Variants in PCDHGA11 observed in about 807,000 individuals in gnomAD.
The protein encoded by PCDHGA11 is protocadherin gamma-A11.
A neutral mutation model predicts 60.4 loss-of-function variants in PCDHGA11; 39 were observed. The observed-to-expected ratio is 0.65, with a 90% CI of 0.50 to 0.84. The LOEUF (loss-of-function observed/expected upper bound fraction) is 0.84. Ranked by LOEUF, PCDHGA11 falls within the 40% of genes least tolerant of loss-of-function variation. The pLI is 0.00. For synonymous variants in PCDHGA11, 533 were observed against 510.3 expected, an observed-to-expected ratio of 1.04 and a Z score of -0.60; for missense variants, 1,165 against 1,197.7, an observed-to-expected ratio of 0.97 and a Z score of 0.40.
intron 1 of PCDHGA11, among the ~76,000 whole-genome samples, chr5:141,463,346 C>G (rs963070531): frequency 6.7e-6 from 1 of 150,312 alleles, no homozygotes; most frequent in Non-Finnish European, 1.5e-5. Context: ...TGGTGTTATT[C>G]TTGGATTTCC....
At position 141,432,540 on chromosome 5, in the gene PCDHGA11, T is replaced by A. The variant is rs147884705; in HGVS notation, c.2433+8880T>A. 7.6e-4 allele frequency: 1,222 copies of A among 1,613,608 alleles called. 1 individual carries two copies. The highest frequency in any genetic ancestry group is 1.1e-3 in the Admixed American group (64 of 59,988). ...TACCTGGTGACCAAGGTGGTGGCGG[T>A]GGACAGAGACTCCGGCCAGAACGCC... On this transcript the variant is annotated intron_variant, in intron 1 of 3. Transcript: ENST00000398587. This position sits in a 1 kb window ranked among gnomAD's most constrained non-coding sequence, Gnocchi z 6.0.
chr5:141,494,656 C>CT, intron 1 of PCDHGA11, 151 bp from the exon 2 acceptor site: 1 of 1,478,476 alleles, frequency 6.8e-7, no homozygotes, highest in Non-Finnish European at 9.1e-7. Flanking sequence ...TGTATTTTGT[C>CT]TTTGGAGATG....
intron 1 of PCDHGA11, among the ~76,000 whole-genome samples, chr5:141,472,935 A>G (rs1593400204): frequency 6.6e-6 from 1 of 150,778 alleles, no homozygotes; most frequent in East Asian, 1.9e-4. Context: ...GTGGTGAGCC[A>G]AGATTATGCC....
At chr5:141,475,760 C>T (rs1480762060) in intron 1 of PCDHGA11, among the ~76,000 whole-genome samples, 1 of 152,286 alleles carries the variant, frequency 6.6e-6, no homozygotes, top group Non-Finnish European at 1.5e-5. Flanking sequence ...TGCACCGATA[C>T]TGGCAAGGCG....
chr5:141,435,882 C>G (rs780080571), intron 1 of PCDHGA11, among the ~76,000 whole-genome samples: 1 of 152,060 alleles, frequency 6.6e-6, no homozygotes, highest in African/African-American at 2.4e-5. Context: ...AGATTGGAAA[C>G]CCCTTAGAGA....
rs776773140 is a variant in PCDHGA11, at chr5:141,476,589, G to A, written c.2434-18218G>A. 5 of 1,614,246 alleles carry A rather than the reference G, an allele frequency of 3.1e-6. No individual in the cohort carries two copies. Among genetic ancestry groups the A allele is most frequent in the Non-Finnish European group, 4.2e-6 (5 of 1,180,046 alleles). On this transcript the variant is annotated intron_variant, in intron 1 of 3. Coordinates refer to ENST00000398587, the MANE Select transcript of PCDHGA11 (RefSeq NM_018914.3). This position sits in a 1 kb window ranked among gnomAD's most constrained non-coding sequence, Gnocchi z 7.6. ...CCGGGGACGCGCTTTCCGCTCGAGA[G>A]CGCGCACGATCCCGATGTGGGAAGC...
In PCDHGA11 at chr5:141,485,146, G is replaced by C; in HGVS notation, c.2434-9661G>C. 6.4e-7 allele frequency: 1 copy of C among 1,569,470 alleles called. No individual in the cohort carries two copies. Among genetic ancestry groups the C allele is most frequent in the Non-Finnish European group, 8.7e-7 (1 of 1,143,568 alleles). On this transcript the variant is annotated intron_variant, in intron 1 of 3. Transcript: ENST00000398587. The surrounding 1 kb of genome is among the most constrained non-coding windows in gnomAD (Gnocchi z 5.7). Reference sequence around the variant, plus strand: ...GGTCGGCTTCATCCGCGTCTCAGGAGCAAGTAGAGAATTAGCGGGCGGCAG... The same window carrying C: ...GGTCGGCTTCATCCGCGTCTCAGGACCAAGTAGAGAATTAGCGGGCGGCAG...
chr5:141,473,784 G>A (rs1457988232), intron 1 of PCDHGA11, among the ~76,000 whole-genome samples: 1 of 152,226 alleles, frequency 6.6e-6, no homozygotes, highest in Non-Finnish European at 1.5e-5. Flanking sequence ...TTTAATTCAA[G>A]AGCAGTATGA....
In PCDHGA11 at chr5:141,489,068, G is replaced by GGC; in HGVS notation, c.2434-5739_2434-5738insGC. 1 of 291,558 alleles carries GGC rather than the reference G, an allele frequency of 3.4e-6. No individual in the cohort carries two copies. The allele number at this position is 291,558 out of a possible 1,614,324, so 18.1% of individuals were successfully genotyped here. ...CTCAAATTCAGCTCCCCTCCCCCCT[G>GGC]CCCACCCCCGCCACTCGGTGACTAA... On this transcript the variant is annotated intron_variant, in intron 1 of 3. Transcript: ENST00000398587. The surrounding 1 kb of genome is among the most constrained non-coding windows in gnomAD (Gnocchi z 4.5).
intron 1 of PCDHGA11, among the ~76,000 whole-genome samples, chr5:141,473,871 T>A (rs2099330260): frequency 1.3e-5 from 2 of 152,190 alleles, no homozygotes; most frequent in Admixed American, 6.5e-5. Context: ...TTGTGGAGAA[T>A]GCATACACAA....
chr5:141,481,475 C>T (rs1423011632), intron 1 of PCDHGA11, among the ~76,000 whole-genome samples: 1 of 152,200 alleles, frequency 6.6e-6, no homozygotes, highest in Non-Finnish European at 1.5e-5. Context: ...TTGGATTATA[C>T]ACTTTAAATA....
At chr5:141,467,344 C>A (rs2099142230) in intron 1 of PCDHGA11, among the ~76,000 whole-genome samples, 1 of 152,122 alleles carries the variant, frequency 6.6e-6, no homozygotes, top group South Asian at 2.1e-4. Flanking sequence ...TAAGCCACTG[C>A]CCCCGGCCAA....
intron 2 of PCDHGA11, among the ~76,000 whole-genome samples, chr5:141,500,281 T>A (rs1254933339): frequency 2.0e-5 from 3 of 151,934 alleles, no homozygotes; most frequent in Non-Finnish European, 4.4e-5. Context: ...CAATCTCGGC[T>A]CACTGCAAGC....
chr5:141,423,762 G>GT, intron 1 of PCDHGA11, 102 bp downstream of exon 1: 1 of 264,254 alleles, frequency 3.8e-6, no homozygotes, highest in Non-Finnish European at 5.6e-6. Context: ...GGGGGGGGGT[G>GT]GGGCGGCATA....
rs1562129544 is a variant in PCDHGA11 at position 141,489,362 on chromosome 5, C to G, written c.2434-5445C>G. ...TACTCAGTGGTGGAGGAGTCTGAGC[C>G]GGGGACGCTGGTGGGGAATGTTGCT... On this transcript the variant is annotated intron_variant, in intron 1 of 3. Transcript: ENST00000398587. This position sits in a 1 kb window ranked among gnomAD's most constrained non-coding sequence, Gnocchi z 4.5. 6.2e-7 allele frequency: 1 copy of G among 1,613,052 alleles called. No individual in the cohort carries two copies. Among genetic ancestry groups the G allele is most frequent in the Non-Finnish European group, 8.5e-7 (1 of 1,179,268 alleles).
At position 141,425,713 on chromosome 5, in the gene PCDHGA11, C is replaced by T. The variant is rs191037499; in HGVS notation, c.2433+2053C>T. 3.9e-4 allele frequency among the ~76,000 whole-genome samples: 60 copies of T among 152,312 alleles called. No homozygotes were observed. In the East Asian group the frequency reaches 6.7e-3, roughly 17 times the overall value. On this transcript the variant is annotated intron_variant, in intron 1 of 3. Transcript: ENST00000398587. ...CATTTCATAGTGGTCAAAATTTTCC[C>T]ATACCACTTGATGGGGATGTTTTCC...
intron 2 of PCDHGA11, among the ~76,000 whole-genome samples, chr5:141,499,885 G>A (rs945162089): frequency 2.6e-5 from 4 of 151,850 alleles, no homozygotes; most frequent in Non-Finnish European, 4.4e-5. Flanking sequence ...ACAGGGTTTC[G>A]CCATGTTGGC....
chr5:141,422,066 A>G lies in PCDHGA11; in HGVS notation c.839A>G (p.Tyr280Cys). Residue 280 changes from tyrosine (Y) to cysteine (C), a missense_variant, in exon 1 of 4, where the codon TAT becomes TGT. By Grantham distance (194) the Tyr-to-Cys change is radical. Transcript: ENST00000398587. The part of the protein sequence containing the change: ...PDEGINGEVM[Y>C]SFRNMESKAS... ...GAGGGAATCAACGGGGAAGTAATGT[A>G]TTCATTTCGGAACATGGAAAGCAAG... 6.2e-7 allele frequency: 1 copy of G among 1,612,154 alleles called. No individual in the cohort carries two copies.
chr5:141,504,963 AC>A (rs1409940135), intron 2 of PCDHGA11, among the ~76,000 whole-genome samples: 1 of 152,038 alleles, frequency 6.6e-6, no homozygotes, highest in Non-Finnish European at 1.5e-5. Context: ...AATGCATTGG[AC>A]CAGCCTGGCC....
Sources: gnomAD v4.1 joint callset for allele counts (sites outside exome capture counted in the v4.1 genomes callset) on GRCh38, gnomAD v4.1.1 for gene constraint, Gnocchi (gnomAD v3.1) non-coding constraint, MANE v1.5 for transcripts, NCBI Gene and HGNC (gene_info 2026-07-23, HGNC 2026-07-21) for gene names.